The following SEMA5A variants were observed in gnomAD, a reference collection of about 807,000 sequenced individuals.
SEMA5A encodes the protein semaphorin 5A.
SEMA5A carries 55 observed loss-of-function variants against 135.5 expected under a neutral mutation model. The observed-to-expected ratio is 0.41, with a 90% confidence interval of 0.33 to 0.51. SEMA5A has a LOEUF of 0.51. SEMA5A is among the 20% of genes least tolerant of loss of function. The pLI is 0.37. For missense variants in SEMA5A, 1,290 were observed against 1,419.9 expected (o/e 0.91, Z 1.47); for synonymous variants, 580 against 546.5 (o/e 1.06, Z -0.85).
chr5:9,162,550 A>G (rs1369547830), intron 11 of SEMA5A, among the ~76,000 whole-genome samples: 2 of 51,664 alleles, frequency 3.9e-5, no homozygotes, highest in Non-Finnish European at 9.1e-5. Flanking sequence ...GTGTGTATAT[A>G]TGTGTGTGTG....
rs775928884 is a variant in SEMA5A at position 9,119,028 on chromosome 5, C to A, written c.1895G>T (p.Arg632Leu). ...CSNPTPRHGGRVCVGQNREER... is the reference protein window; with the variant it reads ...CSNPTPRHGGLVCVGQNREER... ...CTCGCGGTTCTGTCCCACGCACACC[C>A]GGCCCCCGTGCCTGGGAGTGGGGTT... The change falls in exon 15 of 23, where the codon CGG becomes CTG. Residue 632 changes from arginine (R) to leucine (L), a missense_variant. This residue lies in a region of SEMA5A where 1,029 missense variants were observed against 1,086.6 expected (regional missense o/e 0.95). Transcript: ENST00000382496. 1 of 1,613,562 alleles carries A rather than the reference C, an allele frequency of 6.2e-7. No homozygotes were observed.
chr5:9,097,964 C>T (rs1739415284), intron 16 of SEMA5A, among the ~76,000 whole-genome samples: 1 of 152,230 alleles, frequency 6.6e-6, no homozygotes, highest in South Asian at 2.1e-4. Flanking sequence ...AAAATAAGGG[C>T]TGAGTGTGGT....
chr5:9,363,872 A>C (rs1417442093), intron 3 of SEMA5A, among the ~76,000 whole-genome samples: 1 of 152,198 alleles, frequency 6.6e-6, no homozygotes, highest in East Asian at 1.9e-4. Flanking sequence ...TAAATCAAAG[A>C]AAAATAAAAT....
intron 4 of SEMA5A, among the ~76,000 whole-genome samples, chr5:9,323,805 T>C (rs1279277784): frequency 2.0e-5 from 3 of 151,196 alleles, no homozygotes; most frequent in African/African-American, 4.9e-5. Flanking sequence ...AGGATTACAC[T>C]GACATGCCAC....
rs139609081 is a variant in SEMA5A at position 9,500,764 on chromosome 5, G to T, written c.-175+44820C>A. 8.5e-5 allele frequency among the ~76,000 whole-genome samples: 13 copies of T among 152,262 alleles called. No homozygotes were observed. The East Asian group carries it at 2.5e-3, about 29-fold the overall frequency. On this transcript the variant is annotated intron_variant, in intron 1 of 22. Transcript: ENST00000382496. Reference sequence around the variant, plus strand: ...CCCACATGCAGAGTTTCAGGTTGTGGTCTGTGCCTGGCTGCGGTCCACATT... The same window carrying T: ...CCCACATGCAGAGTTTCAGGTTGTGTTCTGTGCCTGGCTGCGGTCCACATT...
At position 9,035,167 on chromosome 5, in the gene SEMA5A, C is replaced by T. The variant is rs897125863; in HGVS notation, c.*7730G>A. 1.3e-5 allele frequency: 2 copies of T among 152,276 alleles called. No individual in the cohort carries two copies. Among genetic ancestry groups the T allele is most frequent in the African/African-American group, 4.8e-5 (2 of 41,404 alleles). 9.4% of individuals were successfully genotyped at this position (152,276 alleles called of 1,614,324 possible). A position where few individuals can be genotyped will look rare whatever the true frequency, so the allele number is the denominator to read the frequency against. ...TCAGGATTCCCTTGTTTTGTTCCCC[C>T]CACAAATGGCAGCTAGAGATGGTAA... On this transcript the variant is annotated 3_prime_UTR_variant, in exon 23 of 23. Coordinates refer to ENST00000382496, the MANE Select transcript of SEMA5A (RefSeq NM_003966.3).
chr5:9,063,214 C>T (rs988431763), intron 17 of SEMA5A, 109 bp from the exon 18 acceptor site: 1 of 1,075,212 alleles, frequency 9.3e-7, no homozygotes, highest in Non-Finnish European at 1.4e-6. Context: ...TAGAACTACC[C>T]TCTCACATTC....
intron 1 of SEMA5A, among the ~76,000 whole-genome samples, chr5:9,493,535 A>C (rs1411431893): frequency 6.6e-5 from 10 of 152,146 alleles, no homozygotes; most frequent in Admixed American, 6.6e-4. Context: ...TTCTGTTTAT[A>C]AAACAGAATT....
chr5:9,305,685 GTA>G (rs59531848), intron 5 of SEMA5A, among the ~76,000 whole-genome samples: 16,095 of 140,432 alleles, frequency 0.11, 1,161 homozygotes, highest in Middle Eastern at 0.15. Context: ...TCAATATACA[GTA>G]TATATACTGT....
chr5:9,544,761 C>A (rs972389120), intron 1 of SEMA5A, among the ~76,000 whole-genome samples: 3 of 152,218 alleles, frequency 2.0e-5, no homozygotes, highest in African/African-American at 7.2e-5. Flanking sequence ...GCGCTTCCCG[C>A]CAAAGCCAGG....
At chr5:9,449,299 C>T (rs1245079661) in intron 1 of SEMA5A, among the ~76,000 whole-genome samples, 1 of 152,110 alleles carries the variant, frequency 6.6e-6, no homozygotes, top group Admixed American at 6.5e-5. Context: ...CCATTATCCT[C>T]AGCGAACTAA....
chr5:9,338,049 T>G (rs1753474923), intron 3 of SEMA5A, among the ~76,000 whole-genome samples: 1 of 152,176 alleles, frequency 6.6e-6, no homozygotes. Context: ...GCATCAATGC[T>G]TGGTTGTGAT....
chr5:9,046,783 G>C (rs1018243915), intron 21 of SEMA5A, among the ~76,000 whole-genome samples: 2 of 152,138 alleles, frequency 1.3e-5, no homozygotes, highest in Non-Finnish European at 2.9e-5. Context: ...CTGCCCCTTC[G>C]GGTGCATGGA....
chr5:9,217,455 A>T, intron 8 of SEMA5A, among the ~76,000 whole-genome samples: 1 of 152,162 alleles, frequency 6.6e-6, no homozygotes, highest in Non-Finnish European at 1.5e-5. Context: ...GGAAAATCTG[A>T]TGACTGTGTG....
chr5:9,440,598 T>C (rs1038646633), intron 1 of SEMA5A, among the ~76,000 whole-genome samples: 4 of 152,186 alleles, frequency 2.6e-5, no homozygotes, highest in African/African-American at 9.7e-5. Context: ...TTACAAACAG[T>C]AACTCTTTCC....
At chr5:9,433,355 T>C (rs1329645266) in intron 2 of SEMA5A, among the ~76,000 whole-genome samples, 4 of 152,154 alleles carry the variant, frequency 2.6e-5, no homozygotes, top group African/African-American at 9.7e-5. Flanking sequence ...TTAAAATCAT[T>C]ATCAAGAAAA....
chr5:9,241,950 C>T (rs1427311737), intron 5 of SEMA5A, among the ~76,000 whole-genome samples: 4 of 152,214 alleles, frequency 2.6e-5, no homozygotes, highest in African/African-American at 9.7e-5. Context: ...CAGCAGATGG[C>T]TTTGCTAATT....
At chr5:9,081,763 T>G (rs1373657013) in intron 16 of SEMA5A, among the ~76,000 whole-genome samples, 1 of 152,224 alleles carries the variant, frequency 6.6e-6, no homozygotes, top group Admixed American at 6.5e-5. Context: ...TATGCATGTG[T>G]TGACAATTTG....
chr5:9,158,486 C>T (rs1180227043), intron 11 of SEMA5A, among the ~76,000 whole-genome samples: 1 of 141,858 alleles, frequency 7.0e-6, no homozygotes, highest in African/African-American at 2.5e-5. Context: ...CATTCTTTAA[C>T]ATTCAGAGAT....
Sources: allele counts gnomAD v4.1 joint callset (sites outside exome capture counted in the v4.1 genomes callset), GRCh38; gene constraint gnomAD v4.1.1; regional missense constraint gnomAD v4.1.1; transcripts MANE v1.5; gene names NCBI Gene and HGNC (gene_info 2026-07-23, HGNC 2026-07-21).